The following PRKCA variants were observed in gnomAD, a reference collection of about 807,000 sequenced individuals.
PRKCA encodes protein kinase C alpha type.
A neutral mutation model predicts 87.0 loss-of-function variants in PRKCA; 27 were observed. The observed-to-expected ratio is 0.31, with a 90% confidence interval of 0.23 to 0.43. The LOEUF (loss-of-function observed/expected upper bound fraction) is 0.43, where lower values mean the gene tolerates loss of function less well. PRKCA is among the 20% of genes least tolerant of loss of function. The pLI is 1.00. For synonymous variants in PRKCA, 329 were observed against 311.1 expected (o/e 1.06, Z -0.61); for missense variants, 518 against 852.3 (o/e 0.61, Z 4.88).
chr17:66,377,522 T>C (rs1228011095), intron 2 of PRKCA, among the ~76,000 whole-genome samples: 1 of 148,322 alleles, frequency 6.7e-6, no homozygotes. Context: ...TATATATGTA[T>C]ATATATAATG....
Position 66,738,278 on chromosome 17 carries a change from C to T in PRKCA, c.1231-486C>T, listed in dbSNP as rs567750594. Among the ~76,000 whole-genome samples, 3 of 152,334 alleles carry T rather than the reference C, an allele frequency of 2.0e-5. No homozygotes were observed. The East Asian group carries it at 5.8e-4, about 29-fold the overall frequency. ...ATATTGAGCATGTGTAATCCTAAGC[C>T]TGAGAGATGTGTTTTCAGGAGTATC... On this transcript the variant is annotated intron_variant, in intron 10 of 16. Coordinates refer to ENST00000413366, the MANE Select transcript of PRKCA (RefSeq NM_002737.3).
At chr17:66,626,488 A>C (rs1255272971) in intron 3 of PRKCA, among the ~76,000 whole-genome samples, 4 of 150,154 alleles carry the variant, frequency 2.7e-5, no homozygotes, top group African/African-American at 9.8e-5. Flanking sequence ...CAGCCTCCCG[A>C]GTAGCTGGGA....
chr17:66,731,351 G>GGAAAAAAAA (rs548166884), intron 8 of PRKCA, among the ~76,000 whole-genome samples: 1 of 112,454 alleles, frequency 8.9e-6, no homozygotes, highest in African/African-American at 3.8e-5. Context: ...CTCCGTCTCA[G>GGAAAAAAAA]AAAAAAAAAA....
chr17:66,574,469 G>C (rs1178301093), intron 3 of PRKCA, among the ~76,000 whole-genome samples: 3 of 152,162 alleles, frequency 2.0e-5, no homozygotes, highest in South Asian at 4.1e-4. Context: ...AAAGCACTTA[G>C]AACCCTGTCT....
At position 66,731,117 on chromosome 17, in the gene PRKCA, G is replaced by A. The variant is rs537125870; in HGVS notation, c.919-1571G>A. Reference sequence around the variant, plus strand: ...TGTAATCCCAGCACTTTGGGAGGCCGAGGTGGGCGGATCACCTGAGGTCAG... The same window carrying A: ...TGTAATCCCAGCACTTTGGGAGGCCAAGGTGGGCGGATCACCTGAGGTCAG... On this transcript the variant is annotated intron_variant, in intron 8 of 16. Transcript: ENST00000413366. 7.2e-5 allele frequency among the ~76,000 whole-genome samples: 11 copies of A among 152,250 alleles called. No homozygotes were observed. The South Asian group carries it at 1.9e-3, about 26-fold the overall frequency.
Position 66,788,874 on chromosome 17 carries a change from T to C in PRKCA, c.1749T>C (p.Cys583=). ...AACACCCAGCCAAGCGGCTGGGCTG[T>C]GGGCCTGAGGGGGAGAGGGACGTGA... The part of the protein sequence containing the change: ...MTKHPAKRLG[C]GPEGERDVRE... Residue 583 remains cysteine (C), a synonymous_variant, in exon 16 of 17, where the codon TGT becomes TGC. Coordinates refer to ENST00000413366, the MANE Select transcript of PRKCA (RefSeq NM_002737.3). 1.2e-6 allele frequency: 2 copies of C among 1,613,994 alleles called. No individual in the cohort carries two copies. Among genetic ancestry groups the C allele is most frequent in the Non-Finnish European group, 1.7e-6 (2 of 1,179,976 alleles).
chr17:66,475,330 T>G (rs1915494063), intron 2 of PRKCA, among the ~76,000 whole-genome samples: 1 of 152,170 alleles, frequency 6.6e-6, no homozygotes, highest in East Asian at 1.9e-4. Context: ...GTAGCTCTTT[T>G]GGCAGCCATG....
At position 66,528,861 on chromosome 17, in the gene PRKCA, G is replaced by T. The variant is rs139993515; in HGVS notation, c.288+32578G>T. 7.0e-3 allele frequency among the ~76,000 whole-genome samples: 1,065 copies of T among 152,312 alleles called. 9 individuals carry two copies. The highest frequency in any genetic ancestry group is 0.024 in the South Asian group (116 of 4,826). ...ATTGGGTGCTTGTGAGTTTACTTTG[G>T]TTGGTTAAGACTAAGAGGCAACAGA... is the stretch of plus-strand genomic sequence containing the variant. On this transcript the variant is annotated intron_variant, in intron 3 of 16. Coordinates refer to ENST00000413366, the MANE Select transcript of PRKCA (RefSeq NM_002737.3).
At chr17:66,675,228 C>G (rs1972294568) in intron 5 of PRKCA, among the ~76,000 whole-genome samples, 1 of 152,238 alleles carries the variant, frequency 6.6e-6, no homozygotes, top group Non-Finnish European at 1.5e-5. Flanking sequence ...GCCCCACATC[C>G]TCACACGGTG....
At chr17:66,749,854 G>A (rs949944099) in intron 13 of PRKCA, among the ~76,000 whole-genome samples, 1 of 152,070 alleles carries the variant, frequency 6.6e-6, no homozygotes, top group African/African-American at 2.4e-5. Flanking sequence ...TGGGCTGATG[G>A]TATGTGACAG....
intron 2 of PRKCA, among the ~76,000 whole-genome samples, chr17:66,356,688 A>T (rs1908078628): frequency 6.6e-6 from 1 of 152,236 alleles, no homozygotes; most frequent in African/African-American, 2.4e-5. Flanking sequence ...AAAGTGAATG[A>T]GACTTGAAAA....
chr17:66,370,003 C>T (rs1411049645), intron 2 of PRKCA, among the ~76,000 whole-genome samples: 2 of 152,172 alleles, frequency 1.3e-5, no homozygotes, highest in Admixed American at 1.3e-4. Flanking sequence ...TAAACCAGGA[C>T]ACTTTTGAAA....
chr17:66,411,353 C>T (rs140219662), intron 2 of PRKCA, among the ~76,000 whole-genome samples: 95 of 151,964 alleles, frequency 6.3e-4, no homozygotes, highest in African/African-American at 1.7e-3. Flanking sequence ...TGAGCCACTG[C>T]GCGCAGCCAT....
intron 2 of PRKCA, among the ~76,000 whole-genome samples, chr17:66,466,644 A>G (rs1484116275): frequency 6.6e-6 from 1 of 152,244 alleles, no homozygotes; most frequent in Non-Finnish European, 1.5e-5. Flanking sequence ...ATTGATAAGT[A>G]TTCCACATAA....
At chr17:66,677,817 G>C (rs540676332) in intron 5 of PRKCA, among the ~76,000 whole-genome samples, 36 of 152,318 alleles carry the variant, frequency 2.4e-4, no homozygotes, top group Middle Eastern at 3.4e-3. Context: ...GTCAGTAAAG[G>C]CCTCTTTGTT....
intron 3 of PRKCA, among the ~76,000 whole-genome samples, chr17:66,541,878 T>C (rs1967999655): frequency 6.6e-6 from 1 of 152,230 alleles, no homozygotes; most frequent in Non-Finnish European, 1.5e-5. Flanking sequence ...CACTTAAATG[T>C]CAAGGCCCTA....
In PRKCA at chr17:66,641,481, T is replaced by C. The variant is rs779352029; in HGVS notation, c.400+15T>C. The stretch of plus-strand genomic sequence containing the variant: ...GAAATGTGACAGTAAGTAAGTTTTC[T>C]TTTCCAGTTCATAGCGAGGCTCTGT... On this transcript the variant is annotated intron_variant, in intron 4 of 16. Coordinates refer to ENST00000413366, the MANE Select transcript of PRKCA (RefSeq NM_002737.3). 1 of 1,587,154 alleles carries C rather than the reference T, an allele frequency of 6.3e-7. No homozygotes were observed. Among genetic ancestry groups the C allele is most frequent in the East Asian group, 2.2e-5 (1 of 44,498 alleles).
At chr17:66,503,127 G>A (rs1598725814) in intron 3 of PRKCA, among the ~76,000 whole-genome samples, 1 of 152,344 alleles carries the variant, frequency 6.6e-6, no homozygotes, top group East Asian at 1.9e-4. Context: ...GGGGGAGAGA[G>A]TGGGAGAGGG....
intron 3 of PRKCA, among the ~76,000 whole-genome samples, chr17:66,638,762 G>A (rs1598835664): frequency 6.6e-6 from 1 of 151,988 alleles, no homozygotes; most frequent in African/African-American, 2.4e-5. Context: ...GCAGGAGAAT[G>A]GCATGAACCT....
Sources: allele counts gnomAD v4.1 joint callset (sites outside exome capture counted in the v4.1 genomes callset), GRCh38; gene constraint gnomAD v4.1.1; transcripts MANE v1.5; gene names NCBI Gene and HGNC (gene_info 2026-07-23, HGNC 2026-07-21).